INPP4B: variants seen among roughly 807,000 people sequenced by gnomAD.
INPP4B encodes inositol polyphosphate-4-phosphatase type II B, also known as inositol polyphosphate 4-phosphatase type II.
Under a neutral mutation model 122.5 loss-of-function variants are expected in INPP4B, and 55 were observed. The observed-to-expected ratio is 0.45, with a 90% CI of 0.36 to 0.56. The LOEUF is 0.56. INPP4B is among the 20% of genes least tolerant of loss of function. The pLI, the probability that INPP4B is intolerant of heterozygous loss-of-function variation, is 0.00. For missense variants in INPP4B, 1,000 were observed against 1,097.7 expected (o/e 0.91, Z 1.26); for synonymous variants, 403 against 388.7 (o/e 1.04, Z -0.43).
At chr4:142,699,931 T>C (rs996218317) in intron 2 of INPP4B, among the ~76,000 whole-genome samples, 1 of 152,162 alleles carries the variant, frequency 6.6e-6, no homozygotes, top group Non-Finnish European at 1.5e-5. Flanking sequence ...GCATTTTTTT[T>C]CTACAGTTTT....
chr4:142,280,494 C>T lies in INPP4B; in HGVS notation c.504-9720G>A, dbSNP rs191845027. Among the ~76,000 whole-genome samples the T allele has an allele frequency of 1.3e-4, 20 of 151,992 alleles. No homozygotes were observed. The East Asian group carries it at 3.9e-3, about 29-fold the overall frequency. ...CAATTTCATTCTCAAAAAGGAATAGCTATTTTGATGGACAACAGATCAGTG... is the reference window on the plus strand; with the variant it reads ...CAATTTCATTCTCAAAAAGGAATAGTTATTTTGATGGACAACAGATCAGTG... On this transcript the variant is annotated intron_variant, in intron 9 of 25. Transcript: ENST00000262992.
chr4:142,609,907 T>A (rs898003810), intron 2 of INPP4B, among the ~76,000 whole-genome samples: 3 of 152,198 alleles, frequency 2.0e-5, no homozygotes, highest in Non-Finnish European at 2.9e-5. Flanking sequence ...AATAGCCTTC[T>A]AACATAGCAC....
intron 3 of INPP4B, among the ~76,000 whole-genome samples, chr4:142,435,976 C>G (rs1284832790): frequency 6.6e-6 from 1 of 152,202 alleles, no homozygotes; most frequent in Non-Finnish European, 1.5e-5. Flanking sequence ...CAGGAGCCAA[C>G]ATTGCAGCTG....
At chr4:142,689,180 C>T (rs893432780) in intron 2 of INPP4B, among the ~76,000 whole-genome samples, 2 of 152,144 alleles carry the variant, frequency 1.3e-5, no homozygotes, top group African/African-American at 2.4e-5. Flanking sequence ...GTCTAGGCAG[C>T]GGGCAAGGAG....
intron 2 of INPP4B, among the ~76,000 whole-genome samples, chr4:142,603,391 T>A: frequency 6.7e-6 from 1 of 150,258 alleles, no homozygotes; most frequent in African/African-American, 2.5e-5. Flanking sequence ...AAAATAAAAG[T>A]TGAAAAAAAG....
At chr4:142,719,055 C>T (rs1764174816) in intron 2 of INPP4B, among the ~76,000 whole-genome samples, 1 of 152,196 alleles carries the variant, frequency 6.6e-6, no homozygotes, top group South Asian at 2.1e-4. Context: ...TTATAATTAT[C>T]TTTACATCTT....
intron 25 of INPP4B, among the ~76,000 whole-genome samples, chr4:142,030,487 T>C (rs747458621): frequency 1.3e-5 from 2 of 152,194 alleles, no homozygotes; most frequent in Non-Finnish European, 2.9e-5. Flanking sequence ...TTGTACTACA[T>C]GGGCAAAGGA....
In INPP4B at chr4:142,519,198, C is replaced by A. The variant is rs1580267417; in HGVS notation, c.-190-56472G>T. On this transcript the variant is annotated intron_variant, in intron 2 of 25. Transcript: ENST00000262992. ...GGGCGTGTACACTTTGATAATCACA[C>A]ACTTTTAAGGAATTAAAACTCTAAG... Among the ~76,000 whole-genome samples, 5 of 152,120 alleles carry A rather than the reference C, an allele frequency of 3.3e-5. No individual in the cohort carries two copies. In the South Asian group the frequency reaches 1.0e-3, roughly 32 times the overall value.
chr4:142,517,575 C>A (rs1052537406), intron 2 of INPP4B, among the ~76,000 whole-genome samples: 3 of 151,716 alleles, frequency 2.0e-5, no homozygotes, highest in Non-Finnish European at 4.4e-5. Context: ...AGAAACAGTG[C>A]ATCTTATGAA....
intron 2 of INPP4B, among the ~76,000 whole-genome samples, chr4:142,600,779 C>T (rs1032564871): frequency 2.0e-5 from 3 of 152,104 alleles, no homozygotes; most frequent in Non-Finnish European, 2.9e-5. Flanking sequence ...AATGATCCAA[C>T]TAGATGCTGC....
chr4:142,583,255 C>G (rs1344104134), intron 2 of INPP4B, among the ~76,000 whole-genome samples: 1 of 152,016 alleles, frequency 6.6e-6, no homozygotes, highest in African/African-American at 2.4e-5. Flanking sequence ...CCTGCCTACC[C>G]AAGAAAATAG....
chr4:142,111,368 C>T (rs566936596), intron 22 of INPP4B, among the ~76,000 whole-genome samples: 10 of 152,024 alleles, frequency 6.6e-5, no homozygotes, highest in East Asian at 3.9e-4. Context: ...TTTTTTGAGA[C>T]GGAGTTTTGC....
At position 142,260,512 on chromosome 4, in the gene INPP4B, T is replaced by C; in HGVS notation, c.668A>G (p.Asn223Ser). Residue 223 changes from asparagine (N) to serine (S), a missense_variant, in exon 11 of 26, where the codon AAC becomes AGC. Coordinates refer to ENST00000262992, the MANE Select transcript of INPP4B (RefSeq NM_001101669.3). Reference sequence around the variant, plus strand: ...CATACCTGAATTCAAAAAAGGTAAGTTATCTTTTCCGCTCACACTTTCCGG... The same window carrying C: ...CATACCTGAATTCAAAAAAGGTAAGCTATCTTTTCCGCTCACACTTTCCGG... ...TAPESVSGKD[N>S]LPFLNSVLKN... The C allele has an allele frequency of 1.9e-6, 3 of 1,607,892 alleles. No individual in the cohort carries two copies. Among genetic ancestry groups the C allele is most frequent in the Non-Finnish European group, 2.6e-6 (3 of 1,175,186 alleles).
At chr4:142,360,665 A>G (rs2148531656) in intron 7 of INPP4B, among the ~76,000 whole-genome samples, 1 of 152,066 alleles carries the variant, frequency 6.6e-6, no homozygotes, top group South Asian at 2.1e-4. Flanking sequence ...CACAGGATCC[A>G]GGTCAGAGAG....
intron 12 of INPP4B, among the ~76,000 whole-genome samples, chr4:142,217,703 T>C (rs1316651321): frequency 2.0e-5 from 3 of 152,128 alleles, no homozygotes; most frequent in Admixed American, 6.5e-5. Context: ...GTATACTGAG[T>C]GTTTCCATGA....
At chr4:142,547,672 G>A (rs1303079940) in intron 2 of INPP4B, among the ~76,000 whole-genome samples, 1 of 152,148 alleles carries the variant, frequency 6.6e-6, no homozygotes, top group Non-Finnish European at 1.5e-5. Context: ...GTTGAATGAG[G>A]CTCAAACACT....
intron 1 of INPP4B, among the ~76,000 whole-genome samples, chr4:142,776,238 G>GGA (rs1773895426): frequency 6.6e-6 from 1 of 152,154 alleles, no homozygotes; most frequent in Non-Finnish European, 1.5e-5. Context: ...CACAAGTTGA[G>GGA]TGTAGCTCAT....
chr4:142,260,546 A>T lies in INPP4B; in HGVS notation c.634T>A (p.Cys212Ser). The T allele has an allele frequency of 6.2e-7, 1 of 1,606,016 alleles. No individual in the cohort carries two copies. The highest frequency in any genetic ancestry group is 1.3e-5 in the African/African-American group (1 of 74,618). Residue 212 changes from cysteine (C) to serine (S), a missense_variant, in exon 11 of 26, where the codon TGT becomes AGT. Cys to Ser is a moderately radical substitution (Grantham distance 112, BLOSUM62 -1). Transcript: ENST00000262992. ...QGQKCALVCE[C>S]TAPESVSGKD... ...CCGCTCACACTTTCCGGGGCTGTAC[A>T]TTCACATACCAGGGCACACTAGGAA...
At chr4:142,756,491 T>C (rs888628179) in intron 1 of INPP4B, among the ~76,000 whole-genome samples, 3 of 152,034 alleles carry the variant, frequency 2.0e-5, no homozygotes, top group African/African-American at 7.2e-5. Flanking sequence ...ATAACAGCTG[T>C]AAGATGCCTA....
Sources: gnomAD v4.1 joint callset for allele counts (sites outside exome capture counted in the v4.1 genomes callset) on GRCh38, gnomAD v4.1.1 for gene constraint, MANE v1.5 for transcripts, NCBI Gene and HGNC (gene_info 2026-07-23, HGNC 2026-07-21) for gene names.